Variants in NCOA2 observed in about 807,000 individuals in gnomAD.
The protein encoded by NCOA2 is nuclear receptor coactivator 2, also known as class E basic helix-loop-helix protein 75.
A neutral mutation model predicts 145.1 loss-of-function variants in NCOA2; 21 were observed. The ratio of observed to expected loss-of-function variants is 0.14; its 90% CI spans 0.10 to 0.21. The LOEUF is 0.21. Ranked by LOEUF, NCOA2 falls within the 10% of genes least tolerant of loss-of-function variation. The pLI is 1.00. For missense variants in NCOA2, 1,472 were observed against 1,837.6 expected, an observed-to-expected ratio of 0.80 and a Z score of 3.64; for synonymous variants, 619 against 637.5, an observed-to-expected ratio of 0.97 and a Z score of 0.44.
intron 4 of NCOA2, among the ~76,000 whole-genome samples, chr8:70,180,689 GTTAT>G (rs1329674685): frequency 6.6e-6 from 1 of 152,126 alleles, no homozygotes. Flanking sequence ...GCATAAATCT[GTTAT>G]TTATTTATTT....
At chr8:70,322,305 C>G (rs1450385702) in intron 1 of NCOA2, among the ~76,000 whole-genome samples, 1 of 152,092 alleles carries the variant, frequency 6.6e-6, no homozygotes, top group Non-Finnish European at 1.5e-5. Context: ...AGAGCTCTGT[C>G]AAGACTTAAT....
chr8:70,405,665 TAATA>T (rs530876297), upstream of NCOA2, among the ~76,000 whole-genome samples: 9 of 150,868 alleles, frequency 6.0e-5, no homozygotes, highest in South Asian at 2.1e-4. Context: ...GGAGTTGTGA[TAATA>T]AATAAATAAA....
intron 2 of NCOA2, among the ~76,000 whole-genome samples, chr8:70,277,604 T>C (rs760461746): frequency 7.2e-5 from 11 of 152,148 alleles, no homozygotes; most frequent in Non-Finnish European, 4.4e-5. Context: ...GCCAGACAGT[T>C]GAGTAAAAAA....
chr8:70,176,675 T>C (rs1814888262), intron 4 of NCOA2, among the ~76,000 whole-genome samples: 1 of 152,246 alleles, frequency 6.6e-6, no homozygotes. Context: ...GTTCACTCTC[T>C]AAGAATGTTG....
the NCOA2 span, among the ~76,000 whole-genome samples, chr8:70,423,611 C>G: frequency 6.6e-6 from 1 of 151,962 alleles, no homozygotes; most frequent in South Asian, 2.1e-4. Context: ...GAGGTCTCGC[C>G]CTAATGAGGG....
intron 4 of NCOA2, among the ~76,000 whole-genome samples, chr8:70,206,585 G>T (rs116862037): frequency 6.6e-6 from 1 of 152,088 alleles, no homozygotes; most frequent in African/African-American, 2.4e-5. Flanking sequence ...CTAGAATCTG[G>T]AGAGGATGGT....
At chr8:70,313,418 T>C (rs1040214621) in intron 1 of NCOA2, among the ~76,000 whole-genome samples, 2 of 152,132 alleles carry the variant, frequency 1.3e-5, no homozygotes. Context: ...AGCTTAGAAA[T>C]AAGCTGTTTT....
chr8:70,144,587 A>G, intron 13 of NCOA2, 55 bp downstream of exon 13: 3 of 1,405,554 alleles, frequency 2.1e-6, no homozygotes, highest in African/African-American at 1.4e-5. Flanking sequence ...GTGGATAAAT[A>G]TACCATTAAA....
chr8:70,115,173 G>T (rs767480900), intron 22 of NCOA2, among the ~76,000 whole-genome samples: 3 of 151,920 alleles, frequency 2.0e-5, no homozygotes, highest in Admixed American at 2.0e-4. Flanking sequence ...TTTTTGAGAC[G>T]GAGTTTCGCT....
intron 4 of NCOA2, among the ~76,000 whole-genome samples, chr8:70,190,529 G>A (rs928964907): frequency 2.6e-5 from 4 of 152,184 alleles, no homozygotes; most frequent in African/African-American, 9.7e-5. Flanking sequence ...GGGCTCTTCA[G>A]ACGAATTACT....
At chr8:70,144,962 C>T (rs1254321526) in intron 12 of NCOA2, 114 bp from the exon 13 acceptor site, 3 of 876,192 alleles carry the variant, frequency 3.4e-6, no homozygotes, top group Non-Finnish European at 5.4e-6. Flanking sequence ...ATGTCAGGGA[C>T]CAACTACCTA....
chr8:70,324,475 C>G (rs1490529250), intron 1 of NCOA2, among the ~76,000 whole-genome samples: 2 of 152,100 alleles, frequency 1.3e-5, no homozygotes, highest in Admixed American at 1.3e-4. Context: ...GTTGCTGGGA[C>G]TGTAGGCACG....
chr8:70,289,469 C>T (rs1457535338), intron 2 of NCOA2, among the ~76,000 whole-genome samples: 2 of 152,194 alleles, frequency 1.3e-5, no homozygotes, highest in Non-Finnish European at 2.9e-5. Flanking sequence ...TGGCCTATCA[C>T]ATCCTTGCTT....
chr8:70,196,880 T>A (rs975659968), intron 4 of NCOA2, among the ~76,000 whole-genome samples: 1 of 152,170 alleles, frequency 6.6e-6, no homozygotes, highest in Non-Finnish European at 1.5e-5. Context: ...GCGCTTTGGG[T>A]TCTAGTTTGT....
intron 2 of NCOA2, among the ~76,000 whole-genome samples, chr8:70,261,732 G>C (rs982014654): frequency 6.6e-6 from 1 of 151,970 alleles, no homozygotes; most frequent in Non-Finnish European, 1.5e-5. Context: ...AGTGAACAAA[G>C]CAGACATTTT....
At chr8:70,163,657 T>C in intron 7 of NCOA2, 91 bp from the exon 8 acceptor site, 4 of 903,270 alleles carry the variant, frequency 4.4e-6, no homozygotes, top group Non-Finnish European at 5.3e-6. Context: ...AGCCTGTCAT[T>C]AAAAAAGCAG....
At chr8:70,393,648 G>A (rs985002499) in intron 1 of NCOA2, among the ~76,000 whole-genome samples, 1 of 152,134 alleles carries the variant, frequency 6.6e-6, no homozygotes, top group Non-Finnish European at 1.5e-5. Context: ...CACATGTAGG[G>A]CCAGGCCAGG....
chr8:70,305,221 C>A (rs546585411), intron 1 of NCOA2, among the ~76,000 whole-genome samples: 1 of 151,608 alleles, frequency 6.6e-6, no homozygotes, highest in Non-Finnish European at 1.5e-5. Context: ...CAAAGGGCAG[C>A]GGCAGTCTTT....
rs145414273 is a variant in NCOA2, at chr8:70,324,129, G to A, written c.-76-27329C>T. ...CACATGTTAGGATAAAATATACTAA[G>A]TAAGCTGGTGATTATTCTACTCCAA... On this transcript the variant is annotated intron_variant, in intron 1 of 22. Transcript: ENST00000452400. Among the ~76,000 whole-genome samples, 898 of 152,226 alleles carry A rather than the reference G, an allele frequency of 5.9e-3. 5 individuals carry two copies. Among genetic ancestry groups the A allele is most frequent in the African/African-American group, 0.02 (838 of 41,548 alleles).
Sources: allele counts gnomAD v4.1 joint callset (sites outside exome capture counted in the v4.1 genomes callset), GRCh38; gene constraint gnomAD v4.1.1; transcripts MANE v1.5; gene names NCBI Gene and HGNC (gene_info 2026-07-23, HGNC 2026-07-21).